The following SNAP47 variants were observed in gnomAD, a reference collection of about 807,000 sequenced individuals.
SNAP47 encodes synaptosome associated protein 47.
SNAP47 carries 20 observed loss-of-function variants against 31.4 expected under a neutral mutation model. That is an observed-to-expected ratio of 0.64 (90% CI 0.45 to 0.93). The LOEUF is 0.93. SNAP47 is among the 40% of genes least tolerant of loss of function. The pLI is 0.00. For missense variants in SNAP47, 492 were observed against 528.5 expected, an observed-to-expected ratio of 0.93 and a Z score of 0.68; for synonymous variants, 194 against 213.4, an observed-to-expected ratio of 0.91 and a Z score of 0.79.
chr1:227,729,058 C>T, intron 1 of SNAP47, among the ~76,000 whole-genome samples: 1 of 152,212 alleles, frequency 6.6e-6, no homozygotes, highest in East Asian at 1.9e-4. Context: ...TGGGGTCTAT[C>T]TGGGGTGTGC....
rs77679738 is a variant in SNAP47, at chr1:227,762,457, A to G, written c.988+2972A>G. ...TGCCTGCCGCCTGCTGCTGTTGTCC[A>G]TGCGTAGGCACAGGGACTCTGTGCC... On this transcript the variant is annotated intron_variant, in intron 3 of 4. Coordinates refer to ENST00000617596, the MANE Select transcript of SNAP47 (RefSeq NM_053052.4). This position sits in a 1 kb window ranked among gnomAD's most constrained non-coding sequence, Gnocchi z 4.2. Among the ~76,000 whole-genome samples, 15,388 of 152,202 alleles carry G rather than the reference A, an allele frequency of 0.1. 836 individuals are homozygous for G. The highest frequency in any genetic ancestry group is 0.21 in the Middle Eastern group (63 of 294).
chr1:227,760,464 C>G (rs750236399), intron 3 of SNAP47, among the ~76,000 whole-genome samples: 4 of 152,210 alleles, frequency 2.6e-5, no homozygotes, highest in African/African-American at 9.7e-5. Context: ...GGTACCTTCC[C>G]GCAGACTCCA....
At chr1:227,739,544 C>G (rs113682305) in intron 1 of SNAP47, among the ~76,000 whole-genome samples, 1 of 152,220 alleles carries the variant, frequency 6.6e-6, no homozygotes, top group Non-Finnish European at 1.5e-5. Flanking sequence ...TGGGCACACA[C>G]AGCCACCACT....
chr1:227,755,805 C>T (rs916848398), intron 2 of SNAP47, among the ~76,000 whole-genome samples: 1 of 151,336 alleles, frequency 6.6e-6, no homozygotes, highest in Non-Finnish European at 1.5e-5. Flanking sequence ...ACTGGCTCAC[C>T]TGCAGGCCAC....
chr1:227,759,165 C>CT lies in SNAP47; in HGVS notation c.669dup (p.His224SerfsTer3). ...GCTGTTATTTCCCACAGAACAGAGT[C>CT]TCACGTTAAACCAGGGAGGCTCACC... On this transcript the variant is annotated frameshift_variant, in exon 3 of 5. Transcript: ENST00000617596. LOFTEE classifies it high-confidence loss of function. 1 of 1,614,198 alleles carries CT rather than the reference C, an allele frequency of 6.2e-7. No homozygotes were observed. Among genetic ancestry groups the CT allele is most frequent in the Non-Finnish European group, 8.5e-7 (1 of 1,180,048 alleles).
At chr1:227,776,681 G>A in intron 4 of SNAP47, 2 of 985,452 alleles carry the variant, frequency 2.0e-6, no homozygotes, top group Non-Finnish European at 2.4e-6. Flanking sequence ...CTTCTCAAAG[G>A]AAAAAGAATC....
At chr1:227,767,576 T>G (rs1485167217) in intron 4 of SNAP47, among the ~76,000 whole-genome samples, 1 of 152,156 alleles carries the variant, frequency 6.6e-6, no homozygotes, top group East Asian at 1.9e-4. Flanking sequence ...TGTGTGTGTA[T>G]GCACATGTGT....
chr1:227,780,510 C>G lies in SNAP47; in HGVS notation c.1114-17C>G. Reference sequence around the variant, plus strand: ...CAGAGATGGCAGCCTCTGCTGTGATCTTGTGCTTCTCCCCAGATCCTGAGG... The same window carrying G: ...CAGAGATGGCAGCCTCTGCTGTGATGTTGTGCTTCTCCCCAGATCCTGAGG... On this transcript the variant is annotated splice_polypyrimidine_tract_variant and intron_variant, in intron 4 of 4. Coordinates refer to ENST00000617596, the MANE Select transcript of SNAP47 (RefSeq NM_053052.4). 1 of 1,613,606 alleles carries G rather than the reference C, an allele frequency of 6.2e-7. No individual in the cohort carries two copies. The highest frequency in any genetic ancestry group is 8.5e-7 in the Non-Finnish European group (1 of 1,180,000).
At chr1:227,734,954 C>G, upstream of SNAP47, 1 of 1,500,334 alleles carries the variant, frequency 6.7e-7, no homozygotes, top group South Asian at 1.3e-5. Context: ...GGGGGCCTCC[C>G]GGGCCTGGGT....
upstream of SNAP47, chr1:227,734,584 A>G: frequency 6.5e-7 from 1 of 1,530,806 alleles, no homozygotes; most frequent in East Asian, 2.3e-5. Flanking sequence ...CACCTTCATC[A>G]GAAAGGCCTC....
At chr1:227,768,336 T>TC in intron 4 of SNAP47, 1 of 985,382 alleles carries the variant, frequency 1.0e-6, no homozygotes, top group Non-Finnish European at 1.2e-6. Flanking sequence ...GGGCATGGGC[T>TC]CCCCGTCCCT....
chr1:227,775,152 G>A (rs949277303), intron 4 of SNAP47, among the ~76,000 whole-genome samples: 11 of 152,352 alleles, frequency 7.2e-5, no homozygotes, highest in African/African-American at 1.4e-4. Flanking sequence ...TGGGCGGGCC[G>A]CAGGGTGGTC....
chr1:227,735,115 C>T (rs1225328214), upstream of SNAP47: 43 of 1,577,238 alleles, frequency 2.7e-5, no homozygotes, highest in Non-Finnish European at 3.7e-5. Flanking sequence ...ACACGCAGGG[C>T]AGGTTGGGCA....
intron 1 of SNAP47, among the ~76,000 whole-genome samples, chr1:227,729,277 G>A (rs1430719205): frequency 6.6e-6 from 1 of 152,186 alleles, no homozygotes; most frequent in Non-Finnish European, 1.5e-5. Flanking sequence ...CCTGCCTCCA[G>A]GGCTGCTGAC....
intron 3 of SNAP47, among the ~76,000 whole-genome samples, chr1:227,764,897 C>CT (rs1481127315): frequency 1.3e-5 from 2 of 151,846 alleles, no homozygotes; most frequent in Non-Finnish European, 2.9e-5. Context: ...GAGCAAGACT[C>CT]TGTCTCAAAA....
chr1:227,759,515 GCA>G, intron 3 of SNAP47, 30 bp downstream of exon 3: 1 of 1,599,304 alleles, frequency 6.3e-7, no homozygotes, highest in South Asian at 1.1e-5. Flanking sequence ...GTGAGCGCGT[GCA>G]CAGACTTCTA....
chr1:227,759,348 CT>C lies in SNAP47; in HGVS notation c.852del (p.Ala285ProfsTer10). ...CCAGACATGGCCTATCGTTTGATAT[CT>C]GCCAAGATGCCAGAGGTTATCCCCA... Reference protein sequence around the residue: ...GKPDMAYRLISAKMPEVIPIL... With the variant: ...GKPDMAYRLIXAKMPEVIPIL... On this transcript the variant is annotated frameshift_variant, in exon 3 of 5. Coordinates refer to ENST00000617596, the MANE Select transcript of SNAP47 (RefSeq NM_053052.4). LOFTEE classifies it high-confidence loss of function. 2 of 1,614,248 alleles carry C rather than the reference CT, an allele frequency of 1.2e-6. No individual in the cohort carries two copies. The highest frequency in any genetic ancestry group is 4.5e-5 in the East Asian group (2 of 44,892).
upstream of SNAP47, chr1:227,733,187 C>T (rs1660789110): frequency 1.2e-5 from 11 of 909,720 alleles, no homozygotes; most frequent in South Asian, 3.4e-5. Context: ...AAGTGGGTGG[C>T]GGGCTCGGAC....
intron 4 of SNAP47, among the ~76,000 whole-genome samples, chr1:227,769,797 T>G (rs888445866): frequency 5.9e-5 from 9 of 152,258 alleles, no homozygotes; most frequent in African/African-American, 1.9e-4. Context: ...GGCTGTGGAA[T>G]CCACTAGGGC....
Sources: allele counts gnomAD v4.1 joint callset (sites outside exome capture counted in the v4.1 genomes callset), GRCh38; gene constraint gnomAD v4.1.1; non-coding constraint Gnocchi (gnomAD v3.1); transcripts MANE v1.5; gene names NCBI Gene and HGNC (gene_info 2026-07-23, HGNC 2026-07-21).